ABCC4: variants seen among roughly 807,000 people sequenced by gnomAD.
The protein encoded by ABCC4 is ATP binding cassette subfamily C member 4 (PEL blood group), also known as ATP-binding cassette sub-family C member 4.
A neutral mutation model predicts 168.5 loss-of-function variants in ABCC4; 102 were observed. That is an observed-to-expected ratio of 0.61 (90% CI 0.52 to 0.71). The LOEUF is 0.71. Among genes scored for constraint, ABCC4 ranks in the 30% least tolerant of loss-of-function variants. ABCC4 has a pLI of 0.00. For missense variants in ABCC4, 1,402 were observed against 1,605.8 expected, an observed-to-expected ratio of 0.87 and a Z score of 2.17; for synonymous variants, 617 against 590.7, an observed-to-expected ratio of 1.04 and a Z score of -0.65.
intron 19 of ABCC4, among the ~76,000 whole-genome samples, chr13:95,131,798 C>T (rs1247453650): frequency 6.6e-6 from 1 of 151,860 alleles, no homozygotes; most frequent in Non-Finnish European, 1.5e-5. Flanking sequence ...CAGAAAATAC[C>T]AAGTGTTGGC....
At chr13:95,142,662 A>G (rs1367096147) in intron 19 of ABCC4, among the ~76,000 whole-genome samples, 1 of 152,212 alleles carries the variant, frequency 6.6e-6, no homozygotes, top group Non-Finnish European at 1.5e-5. Context: ...TAAGGTACAC[A>G]CTTAAGTTTT....
chr13:95,092,637 A>G lies in ABCC4; in HGVS notation c.2536-9347T>C, dbSNP rs9556460. 7.5e-4 allele frequency among the ~76,000 whole-genome samples: 114 copies of G among 152,316 alleles called. 3 individuals carry two copies. The East Asian group carries it at 0.02, about 27-fold the overall frequency. ...GCATTGAAAAAGCTGAAAGAGCACA[A>G]ACTGACATTCCAAGGTCACACCTCA... On this transcript the variant is annotated intron_variant, in intron 20 of 30. Transcript: ENST00000645237.
At chr13:95,221,753 G>GA (rs1344164853) in intron 4 of ABCC4, among the ~76,000 whole-genome samples, 2 of 151,146 alleles carry the variant, frequency 1.3e-5, no homozygotes, top group East Asian at 3.9e-4. Flanking sequence ...TAGAAAAAAG[G>GA]AAAAAACAGA....
At chr13:95,300,661 C>G (rs916152524) in intron 1 of ABCC4, among the ~76,000 whole-genome samples, 4 of 151,974 alleles carry the variant, frequency 2.6e-5, no homozygotes, top group African/African-American at 9.7e-5. Flanking sequence ...GGAGTTGGAT[C>G]GAGCTGTCTC....
chr13:95,241,120 T>C (rs1358319693), intron 3 of ABCC4, among the ~76,000 whole-genome samples: 1 of 152,064 alleles, frequency 6.6e-6, no homozygotes, highest in Non-Finnish European at 1.5e-5. Flanking sequence ...ATCCCAGCAC[T>C]CTGGGAGGCC....
chr13:95,211,753 G>A (rs2038962957), intron 4 of ABCC4, among the ~76,000 whole-genome samples: 1 of 152,092 alleles, frequency 6.6e-6, no homozygotes. Context: ...AGAAGCAATT[G>A]GCCAGGAGAC....
At chr13:95,286,188 C>T (rs1481221001) in intron 1 of ABCC4, among the ~76,000 whole-genome samples, 2 of 142,336 alleles carry the variant, frequency 1.4e-5, no homozygotes, top group Admixed American at 7.7e-5. Flanking sequence ...GGCACAATTT[C>T]GGCTCACTGC....
chr13:95,115,078 GA>G (rs4148523), intron 20 of ABCC4, among the ~76,000 whole-genome samples: 12 of 149,960 alleles, frequency 8.0e-5, no homozygotes, highest in South Asian at 4.2e-4. Context: ...AAACACTTGG[GA>G]AAAAAAAAGT....
intron 8 of ABCC4, among the ~76,000 whole-genome samples, chr13:95,200,073 T>A (rs1318774697): frequency 6.6e-6 from 1 of 152,190 alleles, no homozygotes; most frequent in Non-Finnish European, 1.5e-5. Context: ...CGTGGTTATT[T>A]ATTAACCCCC....
intron 1 of ABCC4, among the ~76,000 whole-genome samples, chr13:95,296,365 A>G (rs1308214576): frequency 1.3e-5 from 2 of 152,108 alleles, no homozygotes; most frequent in Admixed American, 6.6e-5. Flanking sequence ...ATATAAAATT[A>G]AACATTTGAT....
chr13:95,097,592 C>CT (rs56169430), intron 20 of ABCC4, among the ~76,000 whole-genome samples: 13,750 of 82,164 alleles, frequency 0.17, 2,684 homozygotes, highest in African/African-American at 0.42. Flanking sequence ...AATATACATT[C>CT]TTTTTTTTTT....
intron 30 of ABCC4, among the ~76,000 whole-genome samples, chr13:95,025,299 ATACGCCCACCCC>A (rs2139197971): frequency 3.5e-4 from 3 of 8,478 alleles, no homozygotes; most frequent in African/African-American, 1.9e-3. Context: ...ACACACCCAC[ATACGCCCACCCC>A]CCACACACAC....
At chr13:95,022,342 TTGAGTTCC>T (rs1403190857) in intron 30 of ABCC4, among the ~76,000 whole-genome samples, 1 of 152,194 alleles carries the variant, frequency 6.6e-6, no homozygotes, top group Non-Finnish European at 1.5e-5. Flanking sequence ...TGCCAAGCCT[TTGAGTTCC>T]TGAATTCTAC....
rs534270144 is a variant in ABCC4 at position 95,071,866 on chromosome 13, T to C, written c.3019-13A>G. 2.0e-6 allele frequency: 3 copies of C among 1,491,386 alleles called. No homozygotes were observed. Among genetic ancestry groups the C allele is most frequent in the Non-Finnish European group, 2.7e-6 (3 of 1,121,060 alleles). The allele number at this position is 1,491,386 out of a possible 1,614,324, so 92.4% of individuals were successfully genotyped here. On this transcript the variant is annotated splice_polypyrimidine_tract_variant and intron_variant, in intron 24 of 30. Transcript: ENST00000645237. ...CTACTGAGATCATCTGAAAGAAATA[T>C]GACATCCCGAGGGGTTAGGAATGGA...
At chr13:95,163,502 G>T in intron 17 of ABCC4, 108 bp downstream of exon 17, 1 of 1,019,900 alleles carries the variant, frequency 9.8e-7, no homozygotes, top group Non-Finnish European at 1.5e-6. Flanking sequence ...TAAACGAAGT[G>T]AGGATTAGAA....
chr13:95,041,282 G>A (rs2032347090), intron 29 of ABCC4, among the ~76,000 whole-genome samples: 2 of 152,166 alleles, frequency 1.3e-5, no homozygotes, highest in African/African-American at 4.8e-5. Context: ...ACACATTGAT[G>A]GCGCTTAATG....
intron 11 of ABCC4, among the ~76,000 whole-genome samples, chr13:95,183,493 G>A (rs1258455679): frequency 1.3e-5 from 2 of 152,116 alleles, no homozygotes; most frequent in Non-Finnish European, 2.9e-5. Flanking sequence ...CCAGTCCCCT[G>A]CTAAACAGTC....
chr13:95,026,659 T>TG (rs1404237960), intron 30 of ABCC4, among the ~76,000 whole-genome samples: 2 of 151,894 alleles, frequency 1.3e-5, no homozygotes, highest in African/African-American at 4.8e-5. Flanking sequence ...GAGGCCAAGG[T>TG]GGGATGATGG....
At chr13:95,231,989 T>A (rs1336654657) in intron 4 of ABCC4, among the ~76,000 whole-genome samples, 1 of 152,188 alleles carries the variant, frequency 6.6e-6, no homozygotes, top group Non-Finnish European at 1.5e-5. Context: ...AAAATTTTTA[T>A]GAATTTATTA....
Sources: gnomAD v4.1 joint callset for allele counts (sites outside exome capture counted in the v4.1 genomes callset) on GRCh38, gnomAD v4.1.1 for gene constraint, MANE v1.5 for transcripts, NCBI Gene and HGNC (gene_info 2026-07-23, HGNC 2026-07-21) for gene names.